HBEGF: variants seen among roughly 807,000 people sequenced by gnomAD.
HBEGF encodes the protein proheparin-binding EGF-like growth factor.
In HBEGF, 8 loss-of-function variants were observed where a neutral mutation model predicts 19.5. The observed-to-expected ratio is 0.41, with a 90% CI of 0.24 to 0.74. The LOEUF is 0.74. HBEGF is among the 30% of genes least tolerant of loss of function. The pLI is 0.32. For missense variants in HBEGF, 207 were observed against 256.9 expected (o/e 0.81, Z 1.33); for synonymous variants, 97 against 108.9 (o/e 0.89, Z 0.68).
At chr5:140,344,136 TAA>T (rs5871732) in intron 2 of HBEGF, among the ~76,000 whole-genome samples, 12 of 138,336 alleles carry the variant, frequency 8.7e-5, no homozygotes, top group Non-Finnish European at 7.9e-5. Context: ...AGACTATGTT[TAA>T]AAAAAAAAAA....
At chr5:140,335,125 T>A in intron 4 of HBEGF, 1 of 192,572 alleles carries the variant, frequency 5.2e-6, no homozygotes, top group Non-Finnish European at 1.1e-5. Flanking sequence ...GGCTCATGCC[T>A]GTAATCCCAG....
Position 140,346,583 on chromosome 5 carries a change from G to A in HBEGF, c.-255C>T, listed in dbSNP as rs925058823. On this transcript the variant is annotated 5_prime_UTR_variant, in exon 1 of 6. Coordinates refer to ENST00000230990, the MANE Select transcript of HBEGF (RefSeq NM_001945.3). The surrounding 1 kb of genome is among the most constrained non-coding windows in gnomAD (Gnocchi z 6.1). ...GTCAGGCCAGCCAGCAGCGTGGCCC[G>A]CGTAGCTCCTTCGGCCGAATGAGCG... 5.6e-6 allele frequency: 3 copies of A among 536,606 alleles called. No homozygotes were observed. The highest frequency in any genetic ancestry group is 4.1e-5 in the African/African-American group (2 of 49,380). 33.2% of individuals were successfully genotyped at this position (536,606 alleles called of 1,614,324 possible). A position where few individuals can be genotyped will look rare whatever the true frequency, so the allele number is the denominator to read the frequency against.
chr5:140,335,746 C>T, intron 4 of HBEGF, 126 bp downstream of exon 4: 3 of 1,033,902 alleles, frequency 2.9e-6, no homozygotes, highest in South Asian at 1.6e-5. Flanking sequence ...AGAATCTACA[C>T]CCCGGAGCTA....
At chr5:140,334,587 C>T in intron 5 of HBEGF, 71 bp downstream of exon 5, 1 of 1,000,144 alleles carries the variant, frequency 1.0e-6, no homozygotes, top group Non-Finnish European at 1.6e-6. Flanking sequence ...AAGAATTCAG[C>T]ACCCACTGAA....
intron 3 of HBEGF, among the ~76,000 whole-genome samples, chr5:140,340,860 C>T (rs1185725737): frequency 6.6e-6 from 1 of 152,290 alleles, no homozygotes; most frequent in African/African-American, 2.4e-5. Flanking sequence ...GGTACTGAGA[C>T]TCTGTCTTAT....
intron 3 of HBEGF, among the ~76,000 whole-genome samples, chr5:140,339,211 C>T (rs145651454): frequency 6.6e-6 from 1 of 152,260 alleles, no homozygotes; most frequent in African/African-American, 2.4e-5. Flanking sequence ...GCGGGATCAC[C>T]ATTCCTTCTT....
rs1252271928 is a variant in HBEGF at position 140,342,814 on chromosome 5, T to G, written c.221-2A>C. ...CTTGTGGCTTGGAGGATAAAGTGAC[T>G]GTAGGAGAAAAGCACTCTGTTAAAG... On this transcript the variant is annotated splice_acceptor_variant, in intron 2 of 5. Coordinates refer to ENST00000230990, the MANE Select transcript of HBEGF (RefSeq NM_001945.3). LOFTEE classifies it high-confidence loss of function. 6.2e-7 allele frequency: 1 copy of G among 1,614,154 alleles called. No individual in the cohort carries two copies.
At chr5:140,334,391 T>C in intron 5 of HBEGF, 111 bp from the exon 6 acceptor site, 1 of 438,744 alleles carries the variant, frequency 2.3e-6, no homozygotes, top group Non-Finnish European at 4.0e-6. Context: ...GGTTTCACTC[T>C]GTCTCCCAGG....
intron 3 of HBEGF, among the ~76,000 whole-genome samples, chr5:140,337,125 C>T (rs558448592): frequency 2.0e-5 from 3 of 152,196 alleles, no homozygotes; most frequent in Admixed American, 1.3e-4. Context: ...GCCACCACAC[C>T]GGGCTGGCAA....
At chr5:140,339,462 G>A (rs1309998484) in intron 3 of HBEGF, among the ~76,000 whole-genome samples, 1 of 151,952 alleles carries the variant, frequency 6.6e-6, no homozygotes, top group African/African-American at 2.4e-5. Flanking sequence ...GCACTATCTC[G>A]GCTCACTGCA....
chr5:140,339,974 C>G (rs1336443774), intron 3 of HBEGF, among the ~76,000 whole-genome samples: 1 of 152,186 alleles, frequency 6.6e-6, no homozygotes, highest in Non-Finnish European at 1.5e-5. Flanking sequence ...GGGGGCCAGT[C>G]CAGACATGCA....
chr5:140,337,569 A>G (rs929051988), intron 3 of HBEGF, among the ~76,000 whole-genome samples: 1 of 152,228 alleles, frequency 6.6e-6, no homozygotes, highest in Non-Finnish European at 1.5e-5. Context: ...ACAGAGCACC[A>G]GGGAAGCTCC....
At chr5:140,336,828 C>CTTTTTCT (rs1346260744) in intron 3 of HBEGF, among the ~76,000 whole-genome samples, 5 of 129,814 alleles carry the variant, frequency 3.9e-5, no homozygotes, top group African/African-American at 1.5e-4. Flanking sequence ...TTTTCTTTTT[C>CTTTTTCT]TTTTTTTTTT....
rs1390259818 is a variant in HBEGF at position 140,346,599 on chromosome 5, C to G, written c.-271G>C. ...GCGTGGCCCGCGTAGCTCCTTCGGC[C>G]GAATGAGCGCTGCCCGGCTCGCGGC... On this transcript the variant is annotated 5_prime_UTR_variant, in exon 1 of 6. Transcript: ENST00000230990. The surrounding 1 kb of genome is among the most constrained non-coding windows in gnomAD (Gnocchi z 6.1). The G allele has an allele frequency of 1.2e-5, 6 of 491,134 alleles. No individual in the cohort carries two copies. The Admixed American group carries it at 2.3e-4, about 18-fold the overall frequency. The allele number at this position is 491,134 out of a possible 1,614,324, so 30.4% of individuals were successfully genotyped here. A position where few individuals can be genotyped will look rare whatever the true frequency, so the allele number is the denominator to read the frequency against.
In HBEGF at chr5:140,346,544, C is replaced by T. The variant is rs543647662; in HGVS notation, c.-216G>A. The T allele has an allele frequency of 2.7e-4, 163 of 600,508 alleles. 3 individuals carry two copies. In the South Asian group the frequency reaches 3.0e-3, roughly 11 times the overall value. The allele number at this position is 600,508 out of a possible 1,614,324, so 37.2% of individuals were successfully genotyped here. A position where few individuals can be genotyped will look rare whatever the true frequency, so the allele number is the denominator to read the frequency against. On this transcript the variant is annotated 5_prime_UTR_variant, in exon 1 of 6. Transcript: ENST00000230990. This position sits in a 1 kb window ranked among gnomAD's most constrained non-coding sequence, Gnocchi z 6.1. Reference sequence around the variant, plus strand: ...TCAGCCCGCCCGCGCGGCCGCCCGACCCCGCGCGCCTAGGTCAGGCCAGCC... The same window carrying T: ...TCAGCCCGCCCGCGCGGCCGCCCGATCCCGCGCGCCTAGGTCAGGCCAGCC...
At chr5:140,337,773 C>T (rs1470686714) in intron 3 of HBEGF, among the ~76,000 whole-genome samples, 1 of 152,210 alleles carries the variant, frequency 6.6e-6, no homozygotes, top group East Asian at 1.9e-4. Flanking sequence ...TGCCCAGCCT[C>T]TCCATGTATC....
At chr5:140,334,834 T>C (rs753073670) in intron 4 of HBEGF, 86 bp from the exon 5 acceptor site, 25 of 1,103,136 alleles carry the variant, frequency 2.3e-5, no homozygotes, top group Non-Finnish European at 3.4e-5. Flanking sequence ...AACTCTGCCA[T>C]GGTGGTTTCC....
At chr5:140,335,314 G>A (rs535137907) in intron 4 of HBEGF, among the ~76,000 whole-genome samples, 1 of 150,308 alleles carries the variant, frequency 6.7e-6, no homozygotes, top group African/African-American at 2.5e-5. Context: ...AACCCAGGAG[G>A]CGGAGTTTGC....
chr5:140,345,191 A>G (rs545021528), intron 2 of HBEGF, among the ~76,000 whole-genome samples: 1 of 152,268 alleles, frequency 6.6e-6, no homozygotes, highest in East Asian at 1.9e-4. Context: ...TGGAGGCAGG[A>G]GAGCTGGCAG....
Sources: gnomAD v4.1 joint callset for allele counts (sites outside exome capture counted in the v4.1 genomes callset) on GRCh38, gnomAD v4.1.1 for gene constraint, Gnocchi (gnomAD v3.1) non-coding constraint, MANE v1.5 for transcripts, NCBI Gene and HGNC (gene_info 2026-07-23, HGNC 2026-07-21) for gene names.